The following DOCK9 variants were observed in gnomAD, a reference collection of about 807,000 sequenced individuals.
DOCK9 encodes dedicator of cytokinesis protein 9.
A neutral mutation model predicts 263.3 loss-of-function variants in DOCK9; 89 were observed. That is an observed-to-expected ratio of 0.34 (90% CI 0.28 to 0.40). The LOEUF is 0.40. Among genes scored for constraint, DOCK9 ranks in the 10% least tolerant of loss-of-function variants. DOCK9 has a pLI of 1.00. For synonymous variants in DOCK9, 976 were observed against 973.1 expected (o/e 1.00, Z -0.06); for missense variants, 2,140 against 2,603.4 (o/e 0.82, Z 3.87).
At chr13:98,956,787 A>G (rs537621970) in intron 1 of DOCK9, among the ~76,000 whole-genome samples, 1 of 152,308 alleles carries the variant, frequency 6.6e-6, no homozygotes, top group African/African-American at 2.4e-5. Context: ...CATTATATCA[A>G]TAGTTACTAG....
chr13:98,841,146 G>T (rs1013904124), intron 38 of DOCK9, among the ~76,000 whole-genome samples: 4 of 152,170 alleles, frequency 2.6e-5, no homozygotes, highest in Non-Finnish European at 5.9e-5. Context: ...TATATCATTT[G>T]ATATCTGCCC....
At chr13:98,942,168 A>G (rs1220221161) in intron 2 of DOCK9, among the ~76,000 whole-genome samples, 1 of 150,162 alleles carries the variant, frequency 6.7e-6, no homozygotes, top group Non-Finnish European at 1.5e-5. Context: ...AAGTAAGTGT[A>G]CTTTCTTTAC....
chr13:99,019,144 A>G (rs1413373010), intron 1 of DOCK9, among the ~76,000 whole-genome samples: 1 of 152,154 alleles, frequency 6.6e-6, no homozygotes, highest in Non-Finnish European at 1.5e-5. Context: ...AAGACCCCAT[A>G]TTGTATTACT....
chr13:99,077,323 T>C (rs972269344), intron 1 of DOCK9, among the ~76,000 whole-genome samples: 1 of 152,156 alleles, frequency 6.6e-6, no homozygotes, highest in African/African-American at 2.4e-5. Context: ...GGGGGCAGAC[T>C]TCCCCCTTAC....
chr13:98,890,402 A>G (rs1293861373), intron 15 of DOCK9, among the ~76,000 whole-genome samples: 1 of 152,152 alleles, frequency 6.6e-6, no homozygotes, highest in Non-Finnish European at 1.5e-5. Flanking sequence ...CACAGCACCC[A>G]CACGTGGTAA....
intron 21 of DOCK9, 88 bp downstream of exon 21, chr13:98,884,883 T>A: frequency 9.8e-6 from 14 of 1,426,926 alleles, no homozygotes; most frequent in Non-Finnish European, 1.3e-5. Flanking sequence ...AAAAATACTG[T>A]TTGCTTTTTG....
intron 9 of DOCK9, among the ~76,000 whole-genome samples, chr13:98,911,888 G>C (rs78693987): frequency 3.7e-4 from 19 of 51,426 alleles, no homozygotes; most frequent in African/African-American, 1.3e-3. Context: ...TTTTTTTTTT[G>C]AGACACAGTC....
intron 51 of DOCK9, 34 bp from the exon 52 acceptor site, chr13:98,797,287 G>T (rs528892324): frequency 6.2e-7 from 1 of 1,613,108 alleles, no homozygotes. Context: ...ACAAAGGCAC[G>T]CAGAGGATAA....
At chr13:98,933,105 CAAGATTTTTGA>C (rs2054228877) in intron 2 of DOCK9, among the ~76,000 whole-genome samples, 2 of 152,122 alleles carry the variant, frequency 1.3e-5, no homozygotes, top group Non-Finnish European at 2.9e-5. Context: ...CTGGGTCTTT[CAAGATTTTTGA>C]AACTAATTAT....
intron 1 of DOCK9, among the ~76,000 whole-genome samples, chr13:99,036,989 A>G (rs1455931821): frequency 6.6e-6 from 1 of 152,170 alleles, no homozygotes; most frequent in Non-Finnish European, 1.5e-5. Context: ...TGAGAATAAG[A>G]TACAGTTTCT....
rs115594983 is a variant in DOCK9, at chr13:98,890,984, G to A, written c.1710-2273C>T. On this transcript the variant is annotated intron_variant, in intron 15 of 52. Transcript: ENST00000682017. ...AAGTCAATGATTTTTCACATGTTCC[G>A]CCTTCCGTTGAAAAGATGTCTGGCC... Among the ~76,000 whole-genome samples the A allele has an allele frequency of 3.7e-3, 563 of 152,228 alleles. 6 individuals carry two copies. The highest frequency in any genetic ancestry group is 0.013 in the African/African-American group (547 of 41,536).
intron 1 of DOCK9, among the ~76,000 whole-genome samples, chr13:99,074,299 T>C (rs2041817839): frequency 6.6e-6 from 1 of 152,256 alleles, no homozygotes; most frequent in Non-Finnish European, 1.5e-5. Context: ...CTTCTCTCTG[T>C]TTCCTAGGAG....
At chr13:98,848,176 T>C (rs1297240016) in intron 37 of DOCK9, among the ~76,000 whole-genome samples, 2 of 152,122 alleles carry the variant, frequency 1.3e-5, no homozygotes, top group Non-Finnish European at 2.9e-5. Flanking sequence ...TAGGTGAGAT[T>C]TTAGTATCTT....
intron 6 of DOCK9, 35 bp downstream of exon 6, chr13:98,922,016 G>T: frequency 2.0e-6 from 3 of 1,513,120 alleles, no homozygotes; most frequent in Non-Finnish European, 2.7e-6. Context: ...GAAAGGGCTT[G>T]TGAGAGGGGA....
intron 45 of DOCK9, among the ~76,000 whole-genome samples, chr13:98,813,478 T>C (rs900511738): frequency 6.6e-5 from 10 of 152,148 alleles, no homozygotes; most frequent in Non-Finnish European, 1.3e-4. Context: ...GAAAATCATA[T>C]GGTTTTTCCT....
At chr13:98,959,992 T>C (rs1474476480) in intron 1 of DOCK9, among the ~76,000 whole-genome samples, 4 of 152,174 alleles carry the variant, frequency 2.6e-5, no homozygotes, top group East Asian at 3.8e-4. Context: ...AGGGAACTGA[T>C]TGGCCTGAGA....
intron 35 of DOCK9, among the ~76,000 whole-genome samples, chr13:98,851,010 G>A (rs2093553926): frequency 6.6e-6 from 1 of 152,148 alleles, no homozygotes; most frequent in Admixed American, 6.5e-5. Context: ...GAAGATGTAT[G>A]GCCACAGGCT....
At chr13:98,972,602 A>C (rs2059849301) in intron 1 of DOCK9, among the ~76,000 whole-genome samples, 1 of 152,174 alleles carries the variant, frequency 6.6e-6, no homozygotes, top group Non-Finnish European at 1.5e-5. Context: ...GCTCCACAAA[A>C]TAGGTGTGCA....
intron 1 of DOCK9, among the ~76,000 whole-genome samples, chr13:99,052,141 G>A (rs1040007739): frequency 6.6e-6 from 1 of 152,180 alleles, no homozygotes; most frequent in Non-Finnish European, 1.5e-5. Flanking sequence ...AGAGCTGGGG[G>A]CTTCTAGTGG....
Sources: gnomAD v4.1 joint callset for allele counts (sites outside exome capture counted in the v4.1 genomes callset) on GRCh38, gnomAD v4.1.1 for gene constraint, MANE v1.5 for transcripts, NCBI Gene and HGNC (gene_info 2026-07-23, HGNC 2026-07-21) for gene names.